Variants in MIPOL1 observed in about 807,000 individuals in gnomAD.
MIPOL1 encodes the protein mirror-image polydactyly 1.
MIPOL1 carries 57 observed loss-of-function variants against 60.9 expected under a neutral mutation model. That is an observed-to-expected ratio of 0.94 (90% CI 0.76 to 1.17). The LOEUF (loss-of-function observed/expected upper bound fraction) is 1.17. Among genes scored for constraint, MIPOL1 ranks in the 50% most tolerant of loss-of-function variants. The pLI is 0.00. For synonymous variants in MIPOL1, 179 were observed against 168.8 expected (o/e 1.06, Z -0.47); for missense variants, 551 against 511.6 (o/e 1.08, Z -0.74).
chr14:37,342,865 T>C (rs899792436), intron 9 of MIPOL1, among the ~76,000 whole-genome samples: 1 of 151,896 alleles, frequency 6.6e-6, no homozygotes, highest in African/African-American at 2.4e-5. Flanking sequence ...ACTTAAAATG[T>C]TCCTTCAAAT....
At chr14:37,387,024 A>G (rs1400257503) in intron 10 of MIPOL1, among the ~76,000 whole-genome samples, 1 of 151,894 alleles carries the variant, frequency 6.6e-6, no homozygotes, top group African/African-American at 2.4e-5. Context: ...GTGTCATTGC[A>G]TAAAAGCTAT....
At chr14:37,510,605 C>T (rs900102346) in intron 12 of MIPOL1, among the ~76,000 whole-genome samples, 1 of 152,100 alleles carries the variant, frequency 6.6e-6, no homozygotes, top group Admixed American at 6.5e-5. Context: ...AAGACATTGA[C>T]TGTGTTCTAT....
intron 1 of MIPOL1, among the ~76,000 whole-genome samples, chr14:37,210,204 C>T (rs9322976): frequency 0.016 from 2,464 of 152,028 alleles, 55 homozygotes; most frequent in African/African-American, 0.055. Flanking sequence ...TGGATATCCC[C>T]CAATTCAATT....
At chr14:37,342,300 G>A (rs2090627597) in intron 9 of MIPOL1, among the ~76,000 whole-genome samples, 2 of 151,888 alleles carry the variant, frequency 1.3e-5, no homozygotes, top group Non-Finnish European at 2.9e-5. Context: ...GGCGGAGGTT[G>A]CAGTGAGCTG....
intron 12 of MIPOL1, chr14:37,503,608 C>G (rs532546473): frequency 6.0e-4 from 92 of 152,136 alleles, no homozygotes; most frequent in African/African-American, 2.0e-3. Flanking sequence ...GAAGGAAGCA[C>G]TAAACATGGA....
In MIPOL1 at chr14:37,205,094, T is replaced by C. The variant is rs976024805; in HGVS notation, c.-199+6990T>C. On this transcript the variant is annotated intron_variant, in intron 1 of 12. Coordinates refer to ENST00000684589, the MANE Select transcript of MIPOL1 (RefSeq NM_001388067.1). ...GAGAGAGATGATTTAAGATATCTGA[T>C]GGAATAAGTTTTTTGTTTTTTTTTT... Among the ~76,000 whole-genome samples the C allele has an allele frequency of 2.6e-5, 4 of 151,898 alleles. No individual in the cohort carries two copies. The East Asian group carries it at 7.7e-4, about 29-fold the overall frequency.
At chr14:37,358,346 A>G (rs1252422937) in intron 9 of MIPOL1, among the ~76,000 whole-genome samples, 3 of 152,156 alleles carry the variant, frequency 2.0e-5, no homozygotes, top group East Asian at 1.9e-4. Flanking sequence ...TCCTTTGGGT[A>G]TATATCCAGC....
intron 9 of MIPOL1, among the ~76,000 whole-genome samples, chr14:37,315,561 G>A (rs1297011725): frequency 6.6e-6 from 1 of 152,134 alleles, no homozygotes; most frequent in African/African-American, 2.4e-5. Flanking sequence ...CGATAAGTAG[G>A]CCTTGAAGAC....
At chr14:37,314,063 T>C (rs2087622179) in intron 9 of MIPOL1, among the ~76,000 whole-genome samples, 1 of 152,180 alleles carries the variant, frequency 6.6e-6, no homozygotes, top group South Asian at 2.1e-4. Context: ...AAATGAGTCA[T>C]TCTATATATC....
intron 9 of MIPOL1, among the ~76,000 whole-genome samples, chr14:37,311,229 T>C (rs932314464): frequency 6.6e-6 from 1 of 152,194 alleles, no homozygotes; most frequent in African/African-American, 2.4e-5. Context: ...ATCTGGCTTT[T>C]CTTGTTCTTG....
chr14:37,261,270 C>G (rs994540758), intron 3 of MIPOL1, among the ~76,000 whole-genome samples: 13 of 145,158 alleles, frequency 9.0e-5, no homozygotes, highest in African/African-American at 3.3e-4. Context: ...TTATTTGGGC[C>G]AAAAGAAAAG....
chr14:37,308,273 C>A, intron 8 of MIPOL1, 76 bp from the exon 9 acceptor site: 1 of 1,267,622 alleles, frequency 7.9e-7, no homozygotes, highest in Non-Finnish European at 1.1e-6. Flanking sequence ...TTCACATGTG[C>A]CTATTAATTA....
chr14:37,241,547 G>A (rs544775584), intron 1 of MIPOL1, among the ~76,000 whole-genome samples: 92 of 120,520 alleles, frequency 7.6e-4, no homozygotes, highest in African/African-American at 2.8e-3. Context: ...GTGAGGACTG[G>A]TCTCTATTAC....
intron 1 of MIPOL1, among the ~76,000 whole-genome samples, chr14:37,213,747 C>A (rs1967100391): frequency 6.6e-6 from 1 of 152,054 alleles, no homozygotes; most frequent in Non-Finnish European, 1.5e-5. Context: ...GCAGATTTAA[C>A]CCAAAGAAGA....
In MIPOL1 at chr14:37,431,617, C is replaced by T. The variant is rs546862571; in HGVS notation, c.1031+8668C>T. ...TTTTTGAGACAGAGTCTTGCTCTGT[C>T]GCCCAGGCTGGAGTGCAGTGGCGCG... On this transcript the variant is annotated intron_variant, in intron 11 of 12. Transcript: ENST00000684589. 2.5e-3 allele frequency among the ~76,000 whole-genome samples: 252 copies of T among 101,246 alleles called. 1 individual carries two copies. The highest frequency in any genetic ancestry group is 8.9e-3 in the African/African-American group (231 of 25,898). The allele number at this position is 101,246 out of a possible 152,430, so 66.4% of individuals were successfully genotyped here.
chr14:37,297,575 T>C (rs2085873942), intron 7 of MIPOL1, among the ~76,000 whole-genome samples: 1 of 152,086 alleles, frequency 6.6e-6, no homozygotes, highest in Admixed American at 6.6e-5. Context: ...CAGCCCAAAA[T>C]CTCCTTAAGC....
At chr14:37,395,098 A>G (rs1291100898) in intron 10 of MIPOL1, among the ~76,000 whole-genome samples, 1 of 152,090 alleles carries the variant, frequency 6.6e-6, no homozygotes, top group Non-Finnish European at 1.5e-5. Context: ...TGGGTTCTCT[A>G]TTCTGTTCCA....
At chr14:37,296,933 G>A (rs991376277) in intron 7 of MIPOL1, among the ~76,000 whole-genome samples, 3 of 152,150 alleles carry the variant, frequency 2.0e-5, no homozygotes, top group Admixed American at 1.3e-4. Context: ...GAAAAAGAGG[G>A]AATCCTCCCT....
intron 11 of MIPOL1, among the ~76,000 whole-genome samples, chr14:37,450,269 T>C (rs1053278414): frequency 6.6e-6 from 1 of 152,156 alleles, no homozygotes; most frequent in Non-Finnish European, 1.5e-5. Context: ...TGCTGCACAG[T>C]TTTCATCCTA....
Sources: gnomAD v4.1 joint callset for allele counts (sites outside exome capture counted in the v4.1 genomes callset) on GRCh38, gnomAD v4.1.1 for gene constraint, MANE v1.5 for transcripts, NCBI Gene and HGNC (gene_info 2026-07-23, HGNC 2026-07-21) for gene names.